SAMD7: variants seen among roughly 807,000 people sequenced by gnomAD.
The protein encoded by SAMD7 is sterile alpha motif domain-containing protein 7.
In SAMD7, 34 loss-of-function variants were observed where a neutral mutation model predicts 36.7. That is an observed-to-expected ratio of 0.93 (90% CI 0.71 to 1.23). The LOEUF is 1.23. SAMD7 is among the 50% of genes most tolerant of loss of function. SAMD7 has a pLI of 0.00. For missense variants in SAMD7, 570 were observed against 546.6 expected, an observed-to-expected ratio of 1.04 and a Z score of -0.43; for synonymous variants, 188 against 189.7, an observed-to-expected ratio of 0.99 and a Z score of 0.07.
intron 7 of SAMD7, chr3:169,932,687 G>A: frequency 1.8e-6 from 1 of 556,864 alleles, no homozygotes; most frequent in South Asian, 1.4e-5. Flanking sequence ...GCTTCCAGAT[G>A]TGTGGCCTCT....
intron 7 of SAMD7, among the ~76,000 whole-genome samples, chr3:169,931,121 G>T (rs1222513688): frequency 6.6e-6 from 1 of 152,248 alleles, no homozygotes; most frequent in African/African-American, 2.4e-5. Flanking sequence ...AGGATTGGTG[G>T]CTCAGCTGTT....
At position 169,919,427 on chromosome 3, in the gene SAMD7, T is replaced by C. The variant is rs552520891; in HGVS notation, c.-41-31T>C. The C allele has an allele frequency of 4.4e-6, 5 of 1,139,112 alleles. No homozygotes were observed. In the East Asian group the frequency reaches 1.2e-4, roughly 27 times the overall value. The allele number at this position is 1,139,112 out of a possible 1,614,324, so 70.6% of individuals were successfully genotyped here. A position where few individuals can be genotyped will look rare whatever the true frequency, so the allele number is the denominator to read the frequency against. On this transcript the variant is annotated intron_variant, in intron 2 of 8. Transcript: ENST00000335556. ...AAATAGTTCACAAAAAGTAGAGTTA[T>C]TTGTTAAAGTGTCTATCTGGTTCTT...
At chr3:169,932,372 T>C in intron 7 of SAMD7, 1 of 658,838 alleles carries the variant, frequency 1.5e-6, no homozygotes, top group Non-Finnish European at 2.9e-6. Context: ...AAAGTTGTTT[T>C]CGAACCTAAG....
Position 169,938,329 on chromosome 3 carries a change from TG to T in SAMD7, c.1165del (p.Val389TrpfsTer14). On this transcript the variant is annotated frameshift_variant, in exon 9 of 9. Transcript: ENST00000335556. LOFTEE classifies it low-confidence loss of function (END_TRUNC). ...TTTTGTCTTAAAAGGTATCTCAGCATGTGGGAAGTATGTTCTACAAGAAAAC... is the reference window on the plus strand; with the variant it reads ...TTTTGTCTTAAAAGGTATCTCAGCATTGGGAAGTATGTTCTACAAGAAAAC... ...LKIQSQVSQH[V>X]GSMFYKKTLS... 6.2e-7 allele frequency: 1 copy of T among 1,603,450 alleles called. No individual in the cohort carries two copies. The highest frequency in any genetic ancestry group is 1.3e-5 in the African/African-American group (1 of 74,576).
chr3:169,920,167 T>G (rs1435209176), intron 3 of SAMD7, among the ~76,000 whole-genome samples: 1 of 152,162 alleles, frequency 6.6e-6, no homozygotes. Flanking sequence ...AGAGCGAAAC[T>G]CCATCTCAGA....
Position 169,926,786 on chromosome 3 carries a change from A to G in SAMD7, c.524A>G (p.Glu175Gly). The change falls in exon 6 of 9, where the codon GAG (glutamate) becomes GGG (glycine). Residue 175 changes from glutamate to glycine, a missense_variant. Glu to Gly is a moderately conservative substitution (Grantham distance 98). Transcript: ENST00000335556. The part of the protein sequence containing the change: ...MLAATAPHFE[E>G]SWGQRCRRLR... ...GCGGCAACTGCACCACACTTTGAGG[A>G]GAGCTGGGGGCAGAGATGTCGTCGA... is the stretch of plus-strand genomic sequence containing the variant. 6.2e-7 allele frequency: 1 copy of G among 1,613,986 alleles called. No homozygotes were observed. The highest frequency in any genetic ancestry group is 1.1e-5 in the South Asian group (1 of 91,056).
Position 169,927,170 on chromosome 3 carries a change from C to T in SAMD7, c.908C>T (p.Pro303Leu). Residue 303 changes from proline (P) to leucine (L), a missense_variant, in exon 6 of 9, where the codon CCA becomes CTA. By Grantham distance (98) the Pro-to-Leu change is moderately conservative. Coordinates refer to ENST00000335556, the MANE Select transcript of SAMD7 (RefSeq NM_001304366.2). The stretch of plus-strand genomic sequence containing the variant: ...GGGGTTTGCCCTCCAGTTCCTCGAC[C>T]ATCTCTGCCAGGTGGGTGTCCAGGG... ...KNGVCPPVPR[P>L]SLPGTHALVT... 1 of 1,527,018 alleles carries T rather than the reference C, an allele frequency of 6.5e-7. No individual in the cohort carries two copies. Among genetic ancestry groups the T allele is most frequent in the South Asian group, 1.3e-5 (1 of 74,972 alleles). 94.6% of individuals were successfully genotyped at this position (1,527,018 alleles called of 1,614,324 possible).
At position 169,926,242 on chromosome 3, in the gene SAMD7, GT is replaced by G. The variant is rs1469888090; in HGVS notation, c.291-305del. On this transcript the variant is annotated intron_variant, in intron 5 of 8. Transcript: ENST00000335556. ...TGAAAACCTCTTCCCAGTACTTTAG[GT>G]TTTTTGAGGATTAATCTCTGGCAAG... The G allele has an allele frequency of 4.5e-6, 6 of 1,329,962 alleles. No homozygotes were observed. The South Asian group carries it at 7.4e-5, about 16-fold the overall frequency. 82.4% of individuals were successfully genotyped at this position (1,329,962 alleles called of 1,614,324 possible).
At chr3:169,925,211 A>G (rs1713208029) in intron 5 of SAMD7, 75 bp downstream of exon 5, 1 of 887,862 alleles carries the variant, frequency 1.1e-6, no homozygotes, top group African/African-American at 1.7e-5. Context: ...TCTTCATATA[A>G]CAAATGAATA....
rs1039942168 is a variant in SAMD7, at chr3:169,921,254, C to G, written c.127C>G (p.Gln43Glu). 3.1e-6 allele frequency: 5 copies of G among 1,613,762 alleles called. No individual in the cohort carries two copies. Among genetic ancestry groups the G allele is most frequent in the Admixed American group, 1.7e-5 (1 of 60,004 alleles). ...PSTVAPTDPR[Q>E]FCVPSQFGSS... is the part of the protein sequence containing the mutation. ...CACCGTAGCTCCAACTGACCCAAGA[C>G]AGTTTTGCGTTCCTTCCCAATTTGG... The change falls in exon 4 of 9, where the codon CAG becomes GAG. Residue 43 changes from glutamine to glutamate, a missense_variant. Coordinates refer to ENST00000335556, the MANE Select transcript of SAMD7 (RefSeq NM_001304366.2).
chr3:169,914,680 T>C (rs1368542087), intron 1 of SAMD7, among the ~76,000 whole-genome samples: 2 of 152,182 alleles, frequency 1.3e-5, no homozygotes, highest in African/African-American at 4.8e-5. Flanking sequence ...ATAGCTTTAA[T>C]TGTACATTAG....
At position 169,926,576 on chromosome 3, in the gene SAMD7, T is replaced by C. The variant is rs1713266168; in HGVS notation, c.314T>C (p.Ile105Thr). 2 of 1,611,282 alleles carry C rather than the reference T, an allele frequency of 1.2e-6. No homozygotes were observed. Among genetic ancestry groups the C allele is most frequent in the Non-Finnish European group, 1.7e-6 (2 of 1,178,256 alleles). ...TARTEMEMYAIYQQRRMEKIN... is the reference protein window; with the variant it reads ...TARTEMEMYATYQQRRMEKIN... ...AGGACAGAAATGGAAATGTATGCTA[T>C]TTACCAGCAAAGGAGAATGGAAAAA... Residue 105 changes from isoleucine (I) to threonine (T), a missense_variant, in exon 6 of 9, where the codon ATT (isoleucine) becomes ACT (threonine). Transcript: ENST00000335556.
At chr3:169,916,055 T>TTTGC (rs149731667) in intron 2 of SAMD7, among the ~76,000 whole-genome samples, 1 of 2,122 alleles carries the variant, frequency 4.7e-4, no homozygotes, top group Admixed American at 7.9e-3. Flanking sequence ...TCCCTTTGTT[T>TTTGC]TTGTTTGATT....
At chr3:169,926,275 G>C in intron 5 of SAMD7, 1 of 1,376,512 alleles carries the variant, frequency 7.3e-7, no homozygotes, top group Non-Finnish European at 9.5e-7. Flanking sequence ...CAAGGAACTA[G>C]CTGTGCTGCG....
chr3:169,927,206 G>C, intron 6 of SAMD7, 25 bp downstream of exon 6: 2 of 1,489,166 alleles, frequency 1.3e-6, no homozygotes, highest in Non-Finnish European at 8.9e-7. Context: ...GCCAATGGCA[G>C]ATCCTCATTA....
At chr3:169,919,732 G>A in intron 3 of SAMD7, 148 bp downstream of exon 3, 1 of 704,860 alleles carries the variant, frequency 1.4e-6, no homozygotes. Context: ...CACCCTGCTG[G>A]CCTCACCTTC....
rs1712855453 is a variant in SAMD7 at position 169,917,473 on chromosome 3, CT to C, written c.-41-1983del. On this transcript the variant is annotated intron_variant, in intron 2 of 8. Transcript: ENST00000335556. The stretch of plus-strand genomic sequence containing the variant: ...TTTCATGGGTACATAGGTGTATATA[CT>C]TACGGGGGCACATGAGATATTTTGA... Among the ~76,000 whole-genome samples, 3 of 151,858 alleles carry C rather than the reference CT, an allele frequency of 2.0e-5. No individual in the cohort carries two copies. The South Asian group carries it at 6.2e-4, about 31-fold the overall frequency.
intron 7 of SAMD7, among the ~76,000 whole-genome samples, chr3:169,934,272 A>G (rs553163776): frequency 6.5e-4 from 99 of 152,292 alleles, no homozygotes; most frequent in African/African-American, 1.7e-3. Context: ...GGGGAAGCCT[A>G]TTCAGATAAG....
At chr3:169,933,130 T>C in intron 7 of SAMD7, 1 of 798,546 alleles carries the variant, frequency 1.3e-6, no homozygotes, top group Non-Finnish European at 2.2e-6. Context: ...CTGGACGCCA[T>C]GGACCAGTGG....
Sources: gnomAD v4.1 joint callset for allele counts (sites outside exome capture counted in the v4.1 genomes callset) on GRCh38, gnomAD v4.1.1 for gene constraint, MANE v1.5 for transcripts, NCBI Gene and HGNC (gene_info 2026-07-23, HGNC 2026-07-21) for gene names.